Variants in GRM1 observed in about 807,000 individuals in gnomAD.
GRM1 encodes the protein metabotropic glutamate receptor 1.
Under a neutral mutation model 90.9 loss-of-function variants are expected in GRM1, and 33 were observed. That is an observed-to-expected ratio of 0.36 (90% CI 0.28 to 0.49). The LOEUF (loss-of-function observed/expected upper bound fraction) is 0.49. GRM1 is among the 20% of genes least tolerant of loss of function. The pLI is 0.99. For synonymous variants in GRM1, 700 were observed against 613.2 expected (o/e 1.14, Z -2.09); for missense variants, 1,190 against 1,534.3 (o/e 0.78, Z 3.75).
At chr6:146,123,998 G>C (rs183482575) in intron 1 of GRM1, among the ~76,000 whole-genome samples, 1 of 152,176 alleles carries the variant, frequency 6.6e-6, no homozygotes, top group Non-Finnish European at 1.5e-5. Flanking sequence ...TAAGGAATCA[G>C]CATAGTCGAG....
intron 2 of GRM1, among the ~76,000 whole-genome samples, chr6:146,214,034 A>C (rs1779783921): frequency 6.6e-6 from 1 of 152,104 alleles, no homozygotes; most frequent in African/African-American, 2.4e-5. Flanking sequence ...AAAAAGAGAG[A>C]GTCCAATTCA....
intron 6 of GRM1, among the ~76,000 whole-genome samples, chr6:146,397,589 A>G (rs1220761625): frequency 6.6e-6 from 1 of 151,730 alleles, no homozygotes. Flanking sequence ...AAGACTATTC[A>G]TTTTATATGG....
intron 3 of GRM1, among the ~76,000 whole-genome samples, chr6:146,334,641 T>A (rs1444387499): frequency 6.6e-6 from 1 of 152,218 alleles, no homozygotes; most frequent in Non-Finnish European, 1.5e-5. Flanking sequence ...AAGACCAGAA[T>A]GCAAATCCAC....
At chr6:146,130,248 C>G (rs1776347811) in intron 1 of GRM1, among the ~76,000 whole-genome samples, 1 of 150,628 alleles carries the variant, frequency 6.6e-6, no homozygotes, top group Admixed American at 6.6e-5. Context: ...TCCCTCCCTC[C>G]CTCCCTTCCT....
At chr6:146,161,272 C>T (rs925587048) in intron 2 of GRM1, among the ~76,000 whole-genome samples, 29 of 152,072 alleles carry the variant, frequency 1.9e-4, no homozygotes, top group African/African-American at 6.3e-4. Context: ...ATGTGGCAAA[C>T]CTGTGAGCTT....
intron 1 of GRM1, among the ~76,000 whole-genome samples, chr6:146,043,796 T>TATAGATATATATATATAG (rs1554260528): frequency 5.8e-5 from 8 of 137,940 alleles, no homozygotes; most frequent in Non-Finnish European, 1.3e-4. Context: ...TATATATATA[T>TATAGATATATATATATAG]ATATATATAT....
intron 1 of GRM1, among the ~76,000 whole-genome samples, chr6:146,069,303 T>G (rs1433728480): frequency 2.0e-5 from 3 of 152,168 alleles, no homozygotes; most frequent in Non-Finnish European, 4.4e-5. Context: ...CTTTCATCAG[T>G]TTGTAAGCTT....
At chr6:146,299,002 A>G (rs1377810831) in intron 2 of GRM1, among the ~76,000 whole-genome samples, 1 of 152,208 alleles carries the variant, frequency 6.6e-6, no homozygotes, top group Non-Finnish European at 1.5e-5. Context: ...GCAATGGGTA[A>G]TGTTCAGTCA....
intron 1 of GRM1, among the ~76,000 whole-genome samples, chr6:146,041,824 A>C (rs1791120881): frequency 1.3e-5 from 2 of 151,920 alleles, no homozygotes; most frequent in African/African-American, 4.8e-5. Flanking sequence ...CTTCTACTCC[A>C]CCATTTTGGT....
intron 1 of GRM1, among the ~76,000 whole-genome samples, chr6:146,044,841 CT>C (rs1791265538): frequency 2.0e-5 from 3 of 151,956 alleles, no homozygotes; most frequent in Admixed American, 6.6e-5. Context: ...TATATTCTGC[CT>C]TTTACAAGGT....
intron 2 of GRM1, among the ~76,000 whole-genome samples, chr6:146,263,426 T>C (rs1428998388): frequency 6.6e-6 from 1 of 152,040 alleles, no homozygotes; most frequent in Non-Finnish European, 1.5e-5. Context: ...TATTATTCTC[T>C]AAATGGTGAG....
At chr6:146,411,516 A>G (rs1183706896) in intron 7 of GRM1, among the ~76,000 whole-genome samples, 1 of 152,160 alleles carries the variant, frequency 6.6e-6, no homozygotes, top group Admixed American at 6.5e-5. Flanking sequence ...CACTCAGGTC[A>G]CAGAGCAGTG....
rs377126066 is a variant in GRM1 at position 146,306,659 on chromosome 6, G to C, written c.1186+1813G>C. ...TTTACATTTTCATTCAGGGTAGGGA[G>C]TTTTGCTGAAGGGCCCAAGGAGAAG... On this transcript the variant is annotated intron_variant, in intron 3 of 7. Transcript: ENST00000282753. Among the ~76,000 whole-genome samples the C allele has an allele frequency of 4.6e-5, 7 of 152,222 alleles. No individual in the cohort carries two copies. In the East Asian group the frequency reaches 1.4e-3, roughly 29 times the overall value.
intron 1 of GRM1, among the ~76,000 whole-genome samples, chr6:146,048,222 T>C (rs1031209546): frequency 6.6e-6 from 1 of 152,046 alleles, no homozygotes; most frequent in African/African-American, 2.4e-5. Flanking sequence ...CAAATATTGT[T>C]TTGTTAAGAG....
intron 1 of GRM1, among the ~76,000 whole-genome samples, chr6:146,030,779 T>C (rs1379498000): frequency 6.6e-6 from 1 of 152,234 alleles, no homozygotes; most frequent in Non-Finnish European, 1.5e-5. Flanking sequence ...CAGAAACTTA[T>C]ATTTTTACTT....
intron 1 of GRM1, among the ~76,000 whole-genome samples, chr6:146,106,010 A>C (rs780019932): frequency 6.6e-6 from 1 of 152,214 alleles, no homozygotes. Context: ...GATTCTAAAC[A>C]GGGTCTAGGG....
intron 1 of GRM1, among the ~76,000 whole-genome samples, chr6:146,052,937 AG>A (rs1775346266): frequency 6.6e-6 from 1 of 152,012 alleles, no homozygotes. Context: ...ATGCCCCAAA[AG>A]CTTGAAGTAT....
chr6:146,377,771 A>T (rs956139669), intron 5 of GRM1, among the ~76,000 whole-genome samples: 3 of 152,128 alleles, frequency 2.0e-5, no homozygotes, highest in African/African-American at 7.2e-5. Context: ...CCTAGGAGGA[A>T]AAAAAGGCTT....
At position 146,177,554 on chromosome 6, in the gene GRM1, C is replaced by T. The variant is rs999134379; in HGVS notation, c.950+17957C>T. 2.6e-5 allele frequency among the ~76,000 whole-genome samples: 4 copies of T among 152,188 alleles called. No homozygotes were observed. The South Asian group carries it at 6.2e-4, about 24-fold the overall frequency. On this transcript the variant is annotated intron_variant, in intron 2 of 7. Coordinates refer to ENST00000282753, the MANE Select transcript of GRM1 (RefSeq NM_001278064.2). Reference sequence around the variant, plus strand: ...TAATCACACTAAAATCTGATATTCACGTTTGCAACTTTTTGAAGCTGGATA... The same window carrying T: ...TAATCACACTAAAATCTGATATTCATGTTTGCAACTTTTTGAAGCTGGATA...
Sources: gnomAD v4.1 joint callset for allele counts (sites outside exome capture counted in the v4.1 genomes callset) on GRCh38, gnomAD v4.1.1 for gene constraint, MANE v1.5 for transcripts, NCBI Gene and HGNC (gene_info 2026-07-23, HGNC 2026-07-21) for gene names.